Variants in RSPO2 observed in about 807,000 individuals in gnomAD.
The protein encoded by RSPO2 is R-spondin 2.
Under a neutral mutation model 30.9 loss-of-function variants are expected in RSPO2, and 14 were observed. The observed-to-expected ratio is 0.45, with a 90% CI of 0.30 to 0.71. The LOEUF is 0.71. RSPO2 is among the 30% of genes least tolerant of loss of function. RSPO2 has a pLI of 0.08. For missense variants in RSPO2, 264 were observed against 301.9 expected, an observed-to-expected ratio of 0.87 and a Z score of 0.93; for synonymous variants, 107 against 96.4, an observed-to-expected ratio of 1.11 and a Z score of -0.64.
intron 2 of RSPO2, among the ~76,000 whole-genome samples, chr8:107,993,465 T>C (rs1213366659): frequency 6.6e-6 from 1 of 151,866 alleles, no homozygotes; most frequent in Non-Finnish European, 1.5e-5. Context: ...TCCAAACAGA[T>C]ACAAAAAAGA....
intron 3 of RSPO2, among the ~76,000 whole-genome samples, chr8:107,963,877 C>A (rs1379029700): frequency 1.3e-5 from 2 of 152,124 alleles, no homozygotes; most frequent in Non-Finnish European, 2.9e-5. Context: ...TATTTGAGTG[C>A]ATGAATTATA....
chr8:108,046,123 CT>C (rs1416986225), intron 2 of RSPO2, among the ~76,000 whole-genome samples: 2 of 152,148 alleles, frequency 1.3e-5, no homozygotes, highest in African/African-American at 4.8e-5. Flanking sequence ...TTGAATAAGG[CT>C]TGCCCGCACA....
At chr8:108,026,335 A>T (rs1811216875) in intron 2 of RSPO2, among the ~76,000 whole-genome samples, 1 of 152,130 alleles carries the variant, frequency 6.6e-6, no homozygotes. Flanking sequence ...ATCTAAAACA[A>T]TTTTTTCTTT....
intron 2 of RSPO2, among the ~76,000 whole-genome samples, chr8:108,016,299 G>A (rs1318393339): frequency 1.3e-5 from 2 of 152,148 alleles, no homozygotes; most frequent in Non-Finnish European, 1.5e-5. Flanking sequence ...CCAGGCAACA[G>A]AGTATTCAAC....
At chr8:107,921,938 A>G (rs998129108) in intron 5 of RSPO2, among the ~76,000 whole-genome samples, 1 of 152,198 alleles carries the variant, frequency 6.6e-6, no homozygotes, top group Non-Finnish European at 1.5e-5. Flanking sequence ...GTAGGCATTG[A>G]AGGAACATAC....
At chr8:108,054,524 C>G (rs1467840671) in intron 2 of RSPO2, among the ~76,000 whole-genome samples, 1 of 152,172 alleles carries the variant, frequency 6.6e-6, no homozygotes, top group Non-Finnish European at 1.5e-5. Context: ...ACAGCCACCC[C>G]TAACTCCACG....
At chr8:108,002,468 A>C (rs943874553) in intron 2 of RSPO2, among the ~76,000 whole-genome samples, 4 of 152,198 alleles carry the variant, frequency 2.6e-5, no homozygotes, top group African/African-American at 9.7e-5. Context: ...CTGTAGGAAA[A>C]TCTTCCCCTC....
At chr8:107,910,914 A>G (rs570241015) in intron 5 of RSPO2, among the ~76,000 whole-genome samples, 1 of 152,164 alleles carries the variant, frequency 6.6e-6, no homozygotes, top group African/African-American at 2.4e-5. Context: ...ATTTTAAAAT[A>G]GCTACAATGT....
chr8:108,042,603 T>G (rs78450154), intron 2 of RSPO2, among the ~76,000 whole-genome samples: 2,126 of 152,202 alleles, frequency 0.014, 54 homozygotes, highest in African/African-American at 0.048. Context: ...TGAAGCAACT[T>G]TGTGATTAAC....
At chr8:108,076,541 C>T (rs1023543956) in intron 2 of RSPO2, among the ~76,000 whole-genome samples, 2 of 152,066 alleles carry the variant, frequency 1.3e-5, no homozygotes, top group South Asian at 2.1e-4. Flanking sequence ...TAGGCAAGAA[C>T]AAACTGATAC....
intron 5 of RSPO2, among the ~76,000 whole-genome samples, chr8:107,953,828 C>T (rs1264098100): frequency 6.6e-6 from 1 of 152,128 alleles, no homozygotes; most frequent in Non-Finnish European, 1.5e-5. Flanking sequence ...AAAGTATATC[C>T]CTCATTTAGA....
intron 2 of RSPO2, among the ~76,000 whole-genome samples, chr8:108,066,749 T>C (rs1812682608): frequency 6.6e-6 from 1 of 152,124 alleles, no homozygotes; most frequent in African/African-American, 2.4e-5. Flanking sequence ...AGCTAATAAA[T>C]GTGGTAAGAA....
chr8:107,993,276 T>C (rs1025294630), intron 2 of RSPO2, among the ~76,000 whole-genome samples: 1 of 152,126 alleles, frequency 6.6e-6, no homozygotes, highest in Non-Finnish European at 1.5e-5. Flanking sequence ...CAGTGACAGC[T>C]ACAAAAGATG....
At chr8:108,077,013 C>T (rs1342816719) in intron 2 of RSPO2, among the ~76,000 whole-genome samples, 1 of 152,104 alleles carries the variant, frequency 6.6e-6, no homozygotes, top group Non-Finnish European at 1.5e-5. Context: ...GAGAACTGTA[C>T]CGATGCTGGA....
chr8:107,925,478 A>G (rs1397438129), intron 5 of RSPO2, among the ~76,000 whole-genome samples: 1 of 151,896 alleles, frequency 6.6e-6, no homozygotes, highest in Non-Finnish European at 1.5e-5. Flanking sequence ...ATATGTATAC[A>G]TGGGCCATAT....
At chr8:107,948,342 A>G (rs1396874537) in intron 5 of RSPO2, among the ~76,000 whole-genome samples, 1 of 152,226 alleles carries the variant, frequency 6.6e-6, no homozygotes, top group Middle Eastern at 3.2e-3. Context: ...ACACTGGATT[A>G]TCTTGGGGAA....
chr8:107,997,812 G>A (rs1251111718), intron 2 of RSPO2, among the ~76,000 whole-genome samples: 2 of 152,272 alleles, frequency 1.3e-5, no homozygotes, highest in East Asian at 3.9e-4. Context: ...CTGGCCCTTT[G>A]TTAAATCCAG....
At chr8:108,052,434 T>C (rs558285664) in intron 2 of RSPO2, among the ~76,000 whole-genome samples, 2 of 152,344 alleles carry the variant, frequency 1.3e-5, no homozygotes, top group South Asian at 2.1e-4. Context: ...TCAATGTTGA[T>C]AAAATTGTAC....
At chr8:108,032,789 T>C (rs1027555613) in intron 2 of RSPO2, among the ~76,000 whole-genome samples, 5 of 151,828 alleles carry the variant, frequency 3.3e-5, no homozygotes, top group Non-Finnish European at 5.9e-5. Context: ...TACCACTATG[T>C]CTAGCTAATT....
Sources: allele counts gnomAD v4.1 joint callset (sites outside exome capture counted in the v4.1 genomes callset), GRCh38; gene constraint gnomAD v4.1.1; transcripts MANE v1.5; gene names NCBI Gene and HGNC (gene_info 2026-07-23, HGNC 2026-07-21).